The following SYT17 variants were observed in gnomAD, a reference collection of about 807,000 sequenced individuals.
SYT17 encodes the protein synaptotagmin-17.
SYT17 carries 22 observed loss-of-function variants against 46.7 expected under a neutral mutation model. That is an observed-to-expected ratio of 0.47 (90% CI 0.34 to 0.67). The LOEUF (loss-of-function observed/expected upper bound fraction) is 0.67. Among genes scored for constraint, SYT17 ranks in the 30% least tolerant of loss-of-function variants. The pLI is 0.01. For synonymous variants in SYT17, 251 were observed against 248.4 expected (o/e 1.01, Z -0.10); for missense variants, 519 against 612.8 (o/e 0.85, Z 1.62).
In SYT17 at chr16:19,168,518, C is replaced by T; in HGVS notation, c.-129C>T. 1.5e-6 allele frequency: 2 copies of T among 1,345,790 alleles called. No individual in the cohort carries two copies. Among genetic ancestry groups the T allele is most frequent in the Non-Finnish European group, 2.0e-6 (2 of 983,036 alleles). 83.4% of individuals were successfully genotyped at this position (1,345,790 alleles called of 1,614,324 possible). A position where few individuals can be genotyped will look rare whatever the true frequency, so the allele number is the denominator to read the frequency against. On this transcript the variant is annotated 5_prime_UTR_variant, in exon 1 of 8. Transcript: ENST00000355377. This position sits in a 1 kb window ranked among gnomAD's most constrained non-coding sequence, Gnocchi z 6.9. ...GGCGCCGCTCATCAGCCACGCCAGT[C>T]ACGTCTGGGGCCACCGGCTGCCTTT...
intron 5 of SYT17, among the ~76,000 whole-genome samples, chr16:19,205,760 G>A (rs920535510): frequency 6.6e-6 from 1 of 152,224 alleles, no homozygotes; most frequent in Non-Finnish European, 1.5e-5. Context: ...GGGATTATGG[G>A]CGTGAGCCAC....
rs1567195030 is a variant in SYT17 at position 19,171,315 on chromosome 16, TGA to T, written c.16-1444_16-1443del. 3.7e-3 allele frequency: 612 copies of T among 163,406 alleles called. 5 individuals are homozygous for T. The highest frequency in any genetic ancestry group is 0.013 in the African/African-American group (539 of 41,350). 10.1% of individuals were successfully genotyped at this position (163,406 alleles called of 1,614,324 possible). A position where few individuals can be genotyped will look rare whatever the true frequency, so the allele number is the denominator to read the frequency against. ...ATGATGATGATGATGATGATGATGA[TGA>T]TGATGATGATTATGATTATTATTTT... On this transcript the variant is annotated intron_variant, in intron 1 of 7. Transcript: ENST00000355377.
intron 7 of SYT17, among the ~76,000 whole-genome samples, chr16:19,266,150 G>T (rs988893121): frequency 6.6e-6 from 1 of 152,202 alleles, no homozygotes; most frequent in Non-Finnish European, 1.5e-5. Flanking sequence ...GCTCAGAGAG[G>T]TTACTTCGCC....
intron 7 of SYT17, among the ~76,000 whole-genome samples, chr16:19,260,047 A>G (rs970306645): frequency 6.6e-6 from 1 of 152,100 alleles, no homozygotes; most frequent in African/African-American, 2.4e-5. Context: ...GGATTCAAAG[A>G]CTGGCAATTG....
intron 3 of SYT17, among the ~76,000 whole-genome samples, chr16:19,178,229 T>C (rs1235498937): frequency 1.3e-5 from 2 of 149,680 alleles, no homozygotes; most frequent in East Asian, 1.9e-4. Flanking sequence ...ACTACAGGCG[T>C]CCGCCACCAC....
At chr16:19,225,844 T>C (rs2142883020) in intron 7 of SYT17, among the ~76,000 whole-genome samples, 1 of 152,132 alleles carries the variant, frequency 6.6e-6, no homozygotes. Flanking sequence ...CAAGGAAGAG[T>C]CTTTTTGTAA....
chr16:19,241,702 A>T (rs1967137658), intron 7 of SYT17, among the ~76,000 whole-genome samples: 1 of 152,012 alleles, frequency 6.6e-6, no homozygotes, highest in South Asian at 2.1e-4. Flanking sequence ...TCTGAGGACC[A>T]TCCACCTCCT....
At chr16:19,246,635 G>A (rs932679178) in intron 7 of SYT17, among the ~76,000 whole-genome samples, 4 of 152,136 alleles carry the variant, frequency 2.6e-5, no homozygotes, top group African/African-American at 4.8e-5. Context: ...ATGTGTGTGC[G>A]TGTATATGTG....
At chr16:19,261,384 C>T (rs1202670796) in intron 7 of SYT17, among the ~76,000 whole-genome samples, 1 of 152,192 alleles carries the variant, frequency 6.6e-6, no homozygotes, top group East Asian at 1.9e-4. Flanking sequence ...GAACTGCCTC[C>T]CATCAGAAAG....
At chr16:19,223,549 C>G (rs1305782364) in intron 6 of SYT17, among the ~76,000 whole-genome samples, 1 of 152,226 alleles carries the variant, frequency 6.6e-6, no homozygotes, top group African/African-American at 2.4e-5. Flanking sequence ...AATTCCAACT[C>G]TGAAAAGACT....
chr16:19,237,340 C>T (rs1030704853), intron 7 of SYT17, among the ~76,000 whole-genome samples: 1 of 152,154 alleles, frequency 6.6e-6, no homozygotes, highest in African/African-American at 2.4e-5. Flanking sequence ...GACACCTGTG[C>T]TGGTCTGAGA....
At chr16:19,258,105 A>C (rs739584) in intron 7 of SYT17, among the ~76,000 whole-genome samples, 3,053 of 152,214 alleles carry the variant, frequency 0.02, 86 homozygotes, top group African/African-American at 0.07. Flanking sequence ...TTTACAGCAA[A>C]TATCAACAGG....
intron 1 of SYT17, chr16:19,172,074 T>C (rs182788693): frequency 1.3e-5 from 2 of 158,102 alleles, no homozygotes; most frequent in African/African-American, 4.8e-5. Context: ...TTCTAACCTA[T>C]CTAGCCTACT....
At position 19,224,816 on chromosome 16, in the gene SYT17, A is replaced by G; in HGVS notation, c.1206A>G (p.Glu402=). The G allele has an allele frequency of 6.2e-7, 1 of 1,614,094 alleles. No individual in the cohort carries two copies. The highest frequency in any genetic ancestry group is 1.1e-5 in the South Asian group (1 of 91,068). ...TCAAAGTTCCCCAAGAAGAACTGGA[A>G]AATGCCAGCCTAGTGTTTACAGGTA... The part of the protein sequence containing the change: ...FSFKVPQEEL[E]NASLVFTVFG... Residue 402 remains glutamate (E), a synonymous_variant, in exon 7 of 8, where the codon GAA becomes GAG. Coordinates refer to ENST00000355377, the MANE Select transcript of SYT17 (RefSeq NM_016524.4).
intron 5 of SYT17, among the ~76,000 whole-genome samples, chr16:19,187,434 T>C (rs1964829850): frequency 6.6e-6 from 1 of 152,214 alleles, no homozygotes; most frequent in South Asian, 2.1e-4. Context: ...AATTCCAATA[T>C]AGCAGGTCTT....
intron 5 of SYT17, among the ~76,000 whole-genome samples, chr16:19,222,219 T>TA (rs1966344709): frequency 6.6e-6 from 1 of 152,234 alleles, no homozygotes; most frequent in Admixed American, 6.5e-5. Context: ...CGATAATTGT[T>TA]ACAATTTTGT....
intron 5 of SYT17, among the ~76,000 whole-genome samples, chr16:19,191,318 G>A (rs746107644): frequency 6.6e-5 from 10 of 152,202 alleles, no homozygotes; most frequent in Non-Finnish European, 1.5e-4. Context: ...GACGGCCTTT[G>A]GGGCGGTGGT....
chr16:19,197,462 T>G (rs1482551139), intron 5 of SYT17, among the ~76,000 whole-genome samples: 1 of 150,902 alleles, frequency 6.6e-6, no homozygotes, highest in Non-Finnish European at 1.5e-5. Context: ...ATTATTATTT[T>G]TTTTGAGACA....
chr16:19,209,203 A>T (rs889855758), intron 5 of SYT17, among the ~76,000 whole-genome samples: 6 of 152,044 alleles, frequency 3.9e-5, no homozygotes, highest in Admixed American at 3.3e-4. Flanking sequence ...ACATTCAGAG[A>T]TCCTGGGGGT....
Sources: allele counts gnomAD v4.1 joint callset (sites outside exome capture counted in the v4.1 genomes callset), GRCh38; gene constraint gnomAD v4.1.1; non-coding constraint Gnocchi (gnomAD v3.1); transcripts MANE v1.5; gene names NCBI Gene and HGNC (gene_info 2026-07-23, HGNC 2026-07-21).